Variants in SRBD1 observed in about 807,000 individuals in gnomAD.
The protein encoded by SRBD1 is S1 RNA-binding domain-containing protein 1.
Under a neutral mutation model 115.3 loss-of-function variants are expected in SRBD1, and 88 were observed. That is an observed-to-expected ratio of 0.76 (90% CI 0.64 to 0.91). SRBD1 has a LOEUF of 0.91. Among genes scored for constraint, SRBD1 ranks in the 40% least tolerant of loss-of-function variants. The pLI, the probability that SRBD1 is intolerant of heterozygous loss-of-function variation, is 0.00. For synonymous variants in SRBD1, 509 were observed against 407.7 expected (o/e 1.25, Z -2.99); for missense variants, 1,385 against 1,177.4 (o/e 1.18, Z -2.58).
intron 14 of SRBD1, among the ~76,000 whole-genome samples, chr2:45,533,794 T>C (rs975125633): frequency 6.6e-6 from 1 of 152,098 alleles, no homozygotes; most frequent in African/African-American, 2.4e-5. Flanking sequence ...TAGGTTCTGT[T>C]AGAGCCTAAA....
At chr2:45,414,525 T>C (rs1356687294) in intron 18 of SRBD1, among the ~76,000 whole-genome samples, 2 of 147,572 alleles carry the variant, frequency 1.4e-5, no homozygotes, top group Non-Finnish European at 3.0e-5. Context: ...ATAGTGTGTA[T>C]ATAGTGTGTG....
intron 16 of SRBD1, among the ~76,000 whole-genome samples, chr2:45,446,075 G>C (rs1185294802): frequency 1.3e-5 from 2 of 152,214 alleles, no homozygotes; most frequent in Non-Finnish European, 2.9e-5. Flanking sequence ...AGAGAGGTCT[G>C]ACTTGGGATA....
chr2:45,423,544 G>A (rs994776303), intron 16 of SRBD1, among the ~76,000 whole-genome samples: 1 of 152,004 alleles, frequency 6.6e-6, no homozygotes, highest in African/African-American at 2.4e-5. Context: ...TATAAGTACA[G>A]TCAATAAGTA....
intron 14 of SRBD1, among the ~76,000 whole-genome samples, chr2:45,519,857 T>C (rs1671229022): frequency 6.6e-6 from 1 of 152,156 alleles, no homozygotes; most frequent in African/African-American, 2.4e-5. Flanking sequence ...AACAACCTTA[T>C]AAGGTTACTA....
chr2:45,546,969 C>A, intron 13 of SRBD1, 130 bp from the exon 14 acceptor site: 1 of 811,038 alleles, frequency 1.2e-6, no homozygotes, highest in South Asian at 1.5e-5. Context: ...AGCAACCTGT[C>A]CACTGTTGCA....
In SRBD1 at chr2:45,574,512, T is replaced by C. The variant is rs1336372787; in HGVS notation, c.1169+115A>G. ...TTGTTTGAACAAAGAGTTTTGCTAC[T>C]TTAAAAAAAAGTCTGAAAACAAAGT... is the stretch of plus-strand genomic sequence containing the variant. On this transcript the variant is annotated intron_variant, in intron 8 of 20. Coordinates refer to ENST00000263736, the MANE Select transcript of SRBD1 (RefSeq NM_018079.5). The C allele has an allele frequency of 1.4e-5, 13 of 913,408 alleles. No homozygotes were observed. In the African/African-American group the frequency reaches 2.0e-4, roughly 14 times the overall value. The allele number at this position is 913,408 out of a possible 1,614,324, so 56.6% of individuals were successfully genotyped here. A position where few individuals can be genotyped will look rare whatever the true frequency, so the allele number is the denominator to read the frequency against.
chr2:45,574,767 C>T (rs771762504), intron 7 of SRBD1, 44 bp from the exon 8 acceptor site: 8 of 1,500,998 alleles, frequency 5.3e-6, no homozygotes, highest in African/African-American at 4.2e-5. Flanking sequence ...AAAAAGTATA[C>T]GATTGGTTTT....
At chr2:45,526,807 T>C (rs923057955) in intron 14 of SRBD1, among the ~76,000 whole-genome samples, 3 of 151,492 alleles carry the variant, frequency 2.0e-5, no homozygotes, top group Middle Eastern at 3.4e-3. Context: ...GGAAGAAAAA[T>C]CAAGTTATAG....
chr2:45,542,784 A>G (rs1671988537), intron 14 of SRBD1, among the ~76,000 whole-genome samples: 1 of 152,198 alleles, frequency 6.6e-6, no homozygotes, highest in Non-Finnish European at 1.5e-5. Context: ...GTAGCAAAAA[A>G]CTAGCAACAA....
At chr2:45,514,616 G>A (rs907196606) in intron 14 of SRBD1, among the ~76,000 whole-genome samples, 12 of 152,034 alleles carry the variant, frequency 7.9e-5, no homozygotes, top group African/African-American at 2.2e-4. Flanking sequence ...GAAAACAAAC[G>A]TGTCACACTT....
rs554110889 is a variant in SRBD1, at chr2:45,460,401, G to C, written c.2049+16592C>G. On this transcript the variant is annotated intron_variant, in intron 16 of 20. Coordinates refer to ENST00000263736, the MANE Select transcript of SRBD1 (RefSeq NM_018079.5). Reference sequence around the variant, plus strand: ...CCATATGAGGGGGGTTCTGAATGAGGAACTAGGGAACAAACCACCTCTTCA... The same window carrying C: ...CCATATGAGGGGGGTTCTGAATGAGCAACTAGGGAACAAACCACCTCTTCA... Among the ~76,000 whole-genome samples the C allele has an allele frequency of 5.3e-5, 8 of 152,264 alleles. No homozygotes were observed. The South Asian group carries it at 1.7e-3, about 32-fold the overall frequency.
At chr2:45,572,748 G>A (rs894445571) in intron 9 of SRBD1, among the ~76,000 whole-genome samples, 4 of 151,938 alleles carry the variant, frequency 2.6e-5, no homozygotes, top group Admixed American at 6.6e-5. Flanking sequence ...TATAGCCTAC[G>A]ACTACACTTA....
At position 45,418,435 on chromosome 2, in the gene SRBD1, C is replaced by T. The variant is rs1429798789; in HGVS notation, c.2263G>A (p.Gly755Ser). Residue 755 changes from glycine to serine, a missense_variant, in exon 18 of 21, where the codon GGC becomes AGC. Gly to Ser is a moderately conservative substitution (Grantham distance 56). Transcript: ENST00000263736. ...GCACACTGTTGGAAGGATTTTGGGC[C>T]CAGCCCTTTCACTTTCTTCAGCTGT... ...REQLKKVKGLGPKSFQQCAGF... is the reference protein window; with the variant it reads ...REQLKKVKGLSPKSFQQCAGF... 2 of 1,613,548 alleles carry T rather than the reference C, an allele frequency of 1.2e-6. No individual in the cohort carries two copies. Among genetic ancestry groups the T allele is most frequent in the Non-Finnish European group, 1.7e-6 (2 of 1,179,912 alleles).
At chr2:45,610,286 A>C (rs1357053563) in intron 1 of SRBD1, among the ~76,000 whole-genome samples, 1 of 152,234 alleles carries the variant, frequency 6.6e-6, no homozygotes, top group Non-Finnish European at 1.5e-5. Context: ...TGGAAAAAAA[A>C]ATTTAAATTC....
intron 10 of SRBD1, among the ~76,000 whole-genome samples, chr2:45,558,215 A>C (rs1672544540): frequency 6.6e-6 from 1 of 152,240 alleles, no homozygotes; most frequent in African/African-American, 2.4e-5. Flanking sequence ...CTGCAGTCCC[A>C]GCTAATTTGA....
intron 16 of SRBD1, among the ~76,000 whole-genome samples, chr2:45,455,407 T>C (rs913181771): frequency 1.3e-5 from 2 of 151,920 alleles, no homozygotes; most frequent in Non-Finnish European, 2.9e-5. Context: ...AGAATAATCA[T>C]CACCTGGGCT....
At chr2:45,499,234 C>A (rs1473857710) in intron 14 of SRBD1, among the ~76,000 whole-genome samples, 1 of 151,976 alleles carries the variant, frequency 6.6e-6, no homozygotes, top group Non-Finnish European at 1.5e-5. Context: ...ATTTTCATTT[C>A]TTTGATGATT....
At chr2:45,563,639 T>A (rs1042246957) in intron 9 of SRBD1, among the ~76,000 whole-genome samples, 1 of 151,818 alleles carries the variant, frequency 6.6e-6, no homozygotes, top group Admixed American at 6.6e-5. Context: ...AAGGACCTTA[T>A]AGAAATAAAA....
At chr2:45,596,600 C>A (rs567108562) in intron 4 of SRBD1, among the ~76,000 whole-genome samples, 1 of 152,254 alleles carries the variant, frequency 6.6e-6, no homozygotes, top group African/African-American at 2.4e-5. Context: ...TATTTTACTC[C>A]TATCCATAAA....
Sources: gnomAD v4.1 joint callset for allele counts (sites outside exome capture counted in the v4.1 genomes callset) on GRCh38, gnomAD v4.1.1 for gene constraint, MANE v1.5 for transcripts, NCBI Gene and HGNC (gene_info 2026-07-23, HGNC 2026-07-21) for gene names.